LRRTM4: variants seen among roughly 807,000 people sequenced by gnomAD.
The protein encoded by LRRTM4 is leucine rich repeat transmembrane neuronal 4.
A neutral mutation model predicts 47.6 loss-of-function variants in LRRTM4; 25 were observed. That is an observed-to-expected ratio of 0.53 (90% CI 0.38 to 0.73). The LOEUF (loss-of-function observed/expected upper bound fraction) is 0.73, where lower values mean the gene tolerates loss of function less well. Ranked by LOEUF, LRRTM4 falls within the 30% of genes least tolerant of loss-of-function variation. LRRTM4 has a pLI of 0.00. For missense variants in LRRTM4, 638 were observed against 713.4 expected (o/e 0.89, Z 1.20); for synonymous variants, 311 against 269.5 (o/e 1.15, Z -1.51).
At chr2:76,932,252 G>C (rs909388456) in intron 3 of LRRTM4, among the ~76,000 whole-genome samples, 2 of 152,064 alleles carry the variant, frequency 1.3e-5, no homozygotes, top group African/African-American at 4.8e-5. Context: ...ACTAGGGAGG[G>C]GTAAAATTTG....
At chr2:76,943,820 T>C (rs1216091540) in intron 3 of LRRTM4, among the ~76,000 whole-genome samples, 1 of 152,216 alleles carries the variant, frequency 6.6e-6, no homozygotes, top group Non-Finnish European at 1.5e-5. Context: ...GCATCAGCCT[T>C]AATGTCTTGC....
At chr2:77,075,914 CAAAAAAA>C (rs61718845) in intron 3 of LRRTM4, among the ~76,000 whole-genome samples, 20 of 36,852 alleles carry the variant, frequency 5.4e-4, no homozygotes, top group South Asian at 3.6e-3. Context: ...GACTCCGTCT[CAAAAAAA>C]AAAAAAAAAA....
At chr2:76,837,711 A>G (rs992159447) in intron 3 of LRRTM4, among the ~76,000 whole-genome samples, 1 of 152,170 alleles carries the variant, frequency 6.6e-6, no homozygotes, top group Non-Finnish European at 1.5e-5. Flanking sequence ...GATAGACTGG[A>G]TTAAGAAAAT....
intron 3 of LRRTM4, among the ~76,000 whole-genome samples, chr2:76,784,330 T>C (rs1674559559): frequency 6.6e-6 from 1 of 152,100 alleles, no homozygotes; most frequent in Admixed American, 6.5e-5. Context: ...CTTAATATCA[T>C]GAGAAAATGT....
At chr2:77,337,476 G>A (rs1558694718) in intron 3 of LRRTM4, among the ~76,000 whole-genome samples, 1 of 152,030 alleles carries the variant, frequency 6.6e-6, no homozygotes, top group Non-Finnish European at 1.5e-5. Context: ...TCCACATGTT[G>A]AGGAAGGGAC....
intron 3 of LRRTM4, among the ~76,000 whole-genome samples, chr2:76,962,721 A>G (rs1402738807): frequency 6.6e-6 from 1 of 150,798 alleles, no homozygotes; most frequent in Non-Finnish European, 1.5e-5. Flanking sequence ...TGTTTTAAAA[A>G]TAGACAGAAC....
intron 3 of LRRTM4, among the ~76,000 whole-genome samples, chr2:77,374,029 T>A (rs536726818): frequency 1.3e-5 from 2 of 151,874 alleles, no homozygotes; most frequent in African/African-American, 4.8e-5. Context: ...GACCTTCACT[T>A]TTCCACTGGC....
At chr2:77,405,983 T>C (rs1254896276) in intron 3 of LRRTM4, among the ~76,000 whole-genome samples, 1 of 152,182 alleles carries the variant, frequency 6.6e-6, no homozygotes, top group Non-Finnish European at 1.5e-5. Context: ...TGTCCTATAA[T>C]GAAGCTTAAC....
chr2:77,295,644 G>T (rs769040584), intron 3 of LRRTM4, among the ~76,000 whole-genome samples: 2 of 152,138 alleles, frequency 1.3e-5, no homozygotes, highest in Non-Finnish European at 2.9e-5. Flanking sequence ...GTCGAGCAGG[G>T]TTGGTACTTT....
At chr2:77,146,898 A>T (rs530793277) in intron 3 of LRRTM4, among the ~76,000 whole-genome samples, 1 of 152,314 alleles carries the variant, frequency 6.6e-6, no homozygotes, top group Admixed American at 6.5e-5. Context: ...GTTATGCCTC[A>T]TTTTAAACAG....
intron 3 of LRRTM4, among the ~76,000 whole-genome samples, chr2:77,208,618 A>G (rs1427551047): frequency 2.6e-5 from 4 of 152,084 alleles, no homozygotes; most frequent in Non-Finnish European, 4.4e-5. Context: ...ACACATATAT[A>G]TGAATGTATG....
rs553420190 is a variant in LRRTM4 at position 77,090,595 on chromosome 2, G to T, written c.1552-341679C>A. Among the ~76,000 whole-genome samples the T allele has an allele frequency of 4.6e-5, 7 of 152,146 alleles. No individual in the cohort carries two copies. The South Asian group carries it at 1.5e-3, about 32-fold the overall frequency. On this transcript the variant is annotated intron_variant, in intron 3 of 3. Transcript: ENST00000409884. Reference sequence around the variant, plus strand: ...CTCCAGCACACAAGAACTTCCAAACGCCTGAACCGCAGTGGCCAGACCTTC... The same window carrying T: ...CTCCAGCACACAAGAACTTCCAAACTCCTGAACCGCAGTGGCCAGACCTTC...
intron 3 of LRRTM4, among the ~76,000 whole-genome samples, chr2:77,128,666 CTT>C (rs1388320635): frequency 6.6e-6 from 1 of 152,178 alleles, no homozygotes; most frequent in Non-Finnish European, 1.5e-5. Context: ...AAATCTCACT[CTT>C]GTCCCCCAGG....
chr2:76,923,761 G>A (rs1260811991), intron 3 of LRRTM4, among the ~76,000 whole-genome samples: 1 of 152,002 alleles, frequency 6.6e-6, no homozygotes, highest in Non-Finnish European at 1.5e-5. Flanking sequence ...TCCTTACTGT[G>A]TTTCACAAAG....
rs550693258 is a variant in LRRTM4, at chr2:77,335,402, C to T, written c.1551+182916G>A. On this transcript the variant is annotated intron_variant, in intron 3 of 3. Transcript: ENST00000409884. Reference sequence around the variant, plus strand: ...GTTGATCCTTCAACAAACAAGCATGCTCCTGACTCAGGACTTTTGCACTTG... The same window carrying T: ...GTTGATCCTTCAACAAACAAGCATGTTCCTGACTCAGGACTTTTGCACTTG... Among the ~76,000 whole-genome samples, 3 of 152,244 alleles carry T rather than the reference C, an allele frequency of 2.0e-5. No individual in the cohort carries two copies. The East Asian group carries it at 5.8e-4, about 29-fold the overall frequency.
At chr2:77,153,225 T>G (rs2103789544) in intron 3 of LRRTM4, among the ~76,000 whole-genome samples, 1 of 152,248 alleles carries the variant, frequency 6.6e-6, no homozygotes, top group South Asian at 2.1e-4. Context: ...GTGTGTCAGA[T>G]TAGTGCTATG....
chr2:77,042,403 GTAAACA>G (rs1248983630), intron 3 of LRRTM4, among the ~76,000 whole-genome samples: 1 of 151,556 alleles, frequency 6.6e-6, no homozygotes, highest in African/African-American at 2.4e-5. Flanking sequence ...GCACAAATAT[GTAAACA>G]TAAAAAGTTA....
intron 3 of LRRTM4, among the ~76,000 whole-genome samples, chr2:77,365,816 G>C: frequency 6.6e-6 from 1 of 150,616 alleles, no homozygotes; most frequent in Admixed American, 6.7e-5. Flanking sequence ...CTATTTGATG[G>C]AAATGTGTAT....
intron 3 of LRRTM4, among the ~76,000 whole-genome samples, chr2:76,900,722 T>C (rs1304523448): frequency 6.6e-6 from 1 of 152,148 alleles, no homozygotes. Context: ...ATCGAGATAA[T>C]AGTTAAAAAG....
Sources: allele counts gnomAD v4.1 joint callset (sites outside exome capture counted in the v4.1 genomes callset), GRCh38; gene constraint gnomAD v4.1.1; transcripts MANE v1.5; gene names NCBI Gene and HGNC (gene_info 2026-07-23, HGNC 2026-07-21).